ERCC6L2: variants seen among roughly 807,000 people sequenced by gnomAD.
ERCC6L2 encodes ERCC excision repair 6 like 2.
Under a neutral mutation model 132.0 loss-of-function variants are expected in ERCC6L2, and 77 were observed. The ratio of observed to expected loss-of-function variants is 0.58; its 90% CI spans 0.49 to 0.71. ERCC6L2 has a LOEUF of 0.71. Ranked by LOEUF, ERCC6L2 falls within the 30% of genes least tolerant of loss-of-function variation. ERCC6L2 has a pLI of 0.00. For missense variants in ERCC6L2, 1,542 were observed against 1,837.6 expected (o/e 0.84, Z 2.94); for synonymous variants, 583 against 632.4 (o/e 0.92, Z 1.17).
chr9:95,962,305 T>G (rs1831943676), intron 13 of ERCC6L2, among the ~76,000 whole-genome samples: 1 of 152,094 alleles, frequency 6.6e-6, no homozygotes, highest in African/African-American at 2.4e-5. Flanking sequence ...ATTTGAGAGA[T>G]GCTCATATAC....
At chr9:96,005,130 G>A (rs1051430643) in intron 18 of ERCC6L2, among the ~76,000 whole-genome samples, 4 of 152,076 alleles carry the variant, frequency 2.6e-5, no homozygotes, top group East Asian at 1.9e-4. Flanking sequence ...TGGCTAATAC[G>A]GTGAAACCCC....
Position 95,921,231 on chromosome 9 carries a change from A to G in ERCC6L2, c.1215A>G (p.Glu405=). The change falls in exon 7 of 19, where the codon GAA becomes GAG. Residue 405 remains glutamate, a synonymous_variant. Transcript: ENST00000653738. ...AAGCTGTCTATCAAACAGTGTTAGAAACAGAGGACGTGACTTTGATACTTC... is the reference window on the plus strand; with the variant it reads ...AAGCTGTCTATCAAACAGTGTTAGAGACAGAGGACGTGACTTTGATACTTC... ...FQKAVYQTVL[E]TEDVTLILQS... is the part of the protein sequence containing the mutation. 6.2e-7 allele frequency: 1 copy of G among 1,613,526 alleles called. No homozygotes were observed.
chr9:95,980,767 C>CA (rs536266012), intron 17 of ERCC6L2, among the ~76,000 whole-genome samples: 4 of 152,090 alleles, frequency 2.6e-5, no homozygotes, highest in Non-Finnish European at 4.4e-5. Context: ...AGAGAATAAA[C>CA]AAAGAGAAAG....
Position 96,012,815 on chromosome 9 carries a change from A to T in ERCC6L2, c.4265A>T (p.Asn1422Ile), listed in dbSNP as rs748089126. 1 of 1,367,462 alleles carries T rather than the reference A, an allele frequency of 7.3e-7. No individual in the cohort carries two copies. Among genetic ancestry groups the T allele is most frequent in the Non-Finnish European group, 9.8e-7 (1 of 1,021,850 alleles). The allele number at this position is 1,367,462 out of a possible 1,614,324, so 84.7% of individuals were successfully genotyped here. Residue 1422 changes from asparagine to isoleucine, a missense_variant, in exon 19 of 19, where the codon AAC becomes ATC. Asn to Ile is a moderately radical substitution (Grantham distance 149). Around this residue, in one of 4 missense-constraint regions of ERCC6L2, gnomAD observed 442 missense variants for 583.4 expected, o/e 0.76. Transcript: ENST00000653738. ...AAAGAACCCCTTCTCAAATTGGAAA[A>T]CAAAAAGATAGAAAATCCAGTGCTG... is the stretch of plus-strand genomic sequence containing the variant. ...SRKEPLLKLE[N>I]KKIENPVLEN...
At chr9:95,886,515 T>C (rs1180218134) in intron 2 of ERCC6L2, among the ~76,000 whole-genome samples, 2 of 152,228 alleles carry the variant, frequency 1.3e-5, no homozygotes, top group Non-Finnish European at 2.9e-5. Flanking sequence ...GTTATTTTTT[T>C]CCTCTTCTAT....
rs188875831 is a variant in ERCC6L2 at position 95,949,563 on chromosome 9, A to G, written c.1848-6351A>G. On this transcript the variant is annotated intron_variant, in intron 12 of 18. Transcript: ENST00000653738. ...GATAATATATTTAATGTATTGGGGGAAAAAAAAACAAACAAACTGTCAACT... is the reference window on the plus strand; with the variant it reads ...GATAATATATTTAATGTATTGGGGGGAAAAAAAACAAACAAACTGTCAACT... 1.3e-3 allele frequency among the ~76,000 whole-genome samples: 200 copies of G among 150,666 alleles called. 5 individuals are homozygous for G. In the East Asian group the frequency reaches 0.031, roughly 24 times the overall value.
intron 17 of ERCC6L2, among the ~76,000 whole-genome samples, chr9:95,999,897 T>A (rs934071039): frequency 2.0e-4 from 4 of 19,848 alleles, no homozygotes; most frequent in Non-Finnish European, 3.1e-4. Context: ...AAGATACAAT[T>A]TTTTTTTTTT....
Position 95,905,759 on chromosome 9 carries a change from AAC to A in ERCC6L2, c.595-1315_595-1314del, listed in dbSNP as rs142756442. 3.2e-3 allele frequency among the ~76,000 whole-genome samples: 486 copies of A among 152,280 alleles called. 2 individuals are homozygous for A. The highest frequency in any genetic ancestry group is 0.011 in the African/African-American group (465 of 41,566). On this transcript the variant is annotated intron_variant, in intron 3 of 18. Coordinates refer to ENST00000653738, the MANE Select transcript of ERCC6L2 (RefSeq NM_020207.7). Reference sequence around the variant, plus strand: ...TTCGTTTTCTTCTTTCTCTTTCCAAAACACAGTCACAAATTTGACTTTTTAGA... The same window carrying A: ...TTCGTTTTCTTCTTTCTCTTTCCAAAACAGTCACAAATTTGACTTTTTAGA...
intron 12 of ERCC6L2, among the ~76,000 whole-genome samples, chr9:95,949,556 T>C (rs1831230533): frequency 1.3e-5 from 2 of 151,572 alleles, no homozygotes; most frequent in Admixed American, 1.3e-4. Context: ...ATTTAATGTA[T>C]TGGGGGAAAA....
chr9:95,951,130 G>A (rs986212515), intron 12 of ERCC6L2, among the ~76,000 whole-genome samples: 1 of 152,010 alleles, frequency 6.6e-6, no homozygotes, highest in Non-Finnish European at 1.5e-5. Flanking sequence ...TTTTTTTCCA[G>A]TCACAGTACA....
At chr9:95,895,727 GC>G (rs1828420048) in intron 2 of ERCC6L2, among the ~76,000 whole-genome samples, 1 of 141,742 alleles carries the variant, frequency 7.1e-6, no homozygotes, top group African/African-American at 2.6e-5. Flanking sequence ...TGTTGTCATA[GC>G]TTTTTTTTTT....
rs776781098 is a variant in ERCC6L2 at position 96,004,524 on chromosome 9, A to G, written c.3497A>G (p.Tyr1166Cys). ...TGTTTCCTTTCTTTTTTTCAGACAT[A>G]TAAAGAAAAAGTGGATGCAGATACA... ...ANIAVCSSKT[Y>C]KEKVDADTLP... Residue 1166 changes from tyrosine (Y) to cysteine (C), a missense_variant, in exon 18 of 19, where the codon TAT (tyrosine) becomes TGT (cysteine). Coordinates refer to ENST00000653738, the MANE Select transcript of ERCC6L2 (RefSeq NM_020207.7). 43 of 1,300,250 alleles carry G rather than the reference A, an allele frequency of 3.3e-5. No individual in the cohort carries two copies. Among genetic ancestry groups the G allele is most frequent in the Non-Finnish European group, 4.2e-5 (41 of 987,340 alleles). 80.5% of individuals were successfully genotyped at this position (1,300,250 alleles called of 1,614,324 possible). A position where few individuals can be genotyped will look rare whatever the true frequency, so the allele number is the denominator to read the frequency against.
chr9:95,991,018 A>G lies in ERCC6L2; in HGVS notation c.3492+12803A>G, dbSNP rs1043044161. Among the ~76,000 whole-genome samples the G allele has an allele frequency of 5.9e-5, 9 of 152,156 alleles. No homozygotes were observed. In the South Asian group the frequency reaches 8.3e-4, roughly 14 times the overall value. On this transcript the variant is annotated intron_variant, in intron 17 of 18. Transcript: ENST00000653738. Reference sequence around the variant, plus strand: ...CCAGCCAGGCCCCTCTCCAAGCTTCACTGTCTGAAGTTAGCTGCATCTGTC... The same window carrying G: ...CCAGCCAGGCCCCTCTCCAAGCTTCGCTGTCTGAAGTTAGCTGCATCTGTC...
intron 1 of ERCC6L2, among the ~76,000 whole-genome samples, chr9:95,879,468 A>G (rs991509372): frequency 2.6e-5 from 4 of 152,232 alleles, no homozygotes; most frequent in African/African-American, 9.7e-5. Context: ...AATTGCTGTA[A>G]GGGTTGCTTT....
In ERCC6L2 at chr9:95,941,438, T is replaced by C; in HGVS notation, c.1752-16T>C. The C allele has an allele frequency of 6.3e-7, 1 of 1,593,626 alleles. No individual in the cohort carries two copies. Among genetic ancestry groups the C allele is most frequent in the Non-Finnish European group, 8.6e-7 (1 of 1,168,714 alleles). ...TTGCTGTTCTAATGTGCTTTTTTTTTTTCTCTTTCCTCCAGGGCTGGTGGA... is the reference window on the plus strand; with the variant it reads ...TTGCTGTTCTAATGTGCTTTTTTTTCTTCTCTTTCCTCCAGGGCTGGTGGA... On this transcript the variant is annotated splice_polypyrimidine_tract_variant and intron_variant, in intron 11 of 18. Coordinates refer to ENST00000653738, the MANE Select transcript of ERCC6L2 (RefSeq NM_020207.7).
intron 2 of ERCC6L2, among the ~76,000 whole-genome samples, chr9:95,889,933 G>A (rs1003865081): frequency 6.6e-6 from 1 of 152,172 alleles, no homozygotes; most frequent in Non-Finnish European, 1.5e-5. Flanking sequence ...TATTTGTGGA[G>A]TATCCGTTCT....
intron 11 of ERCC6L2, among the ~76,000 whole-genome samples, chr9:95,940,416 T>C (rs945770037): frequency 1.3e-5 from 2 of 152,160 alleles, no homozygotes; most frequent in Non-Finnish European, 2.9e-5. Flanking sequence ...ACCCAGCTTG[T>C]GGTATCTTAA....
At position 95,978,225 on chromosome 9, in the gene ERCC6L2, A is replaced by G. The variant is rs2133108067; in HGVS notation, c.3492+10A>G. ...TGTTTGCAGTTCTAAGGTAAGAAAA[A>G]TATAGGGTAGTATCATCTTTAGTTA... On this transcript the variant is annotated intron_variant, in intron 17 of 18. Transcript: ENST00000653738. 2 of 1,355,702 alleles carry G rather than the reference A, an allele frequency of 1.5e-6. No homozygotes were observed. The highest frequency in any genetic ancestry group is 9.8e-7 in the Non-Finnish European group (1 of 1,016,208). 84.0% of individuals were successfully genotyped at this position (1,355,702 alleles called of 1,614,324 possible).
intron 12 of ERCC6L2, among the ~76,000 whole-genome samples, chr9:95,944,892 A>C (rs1195229299): frequency 6.6e-6 from 1 of 152,170 alleles, no homozygotes; most frequent in African/African-American, 2.4e-5. Context: ...CACATCCTTC[A>C]CAAGGTAATA....
Sources: gnomAD v4.1 joint callset for allele counts (sites outside exome capture counted in the v4.1 genomes callset) on GRCh38, gnomAD v4.1.1 for gene constraint, gnomAD v4.1.1 regional missense constraint, MANE v1.5 for transcripts, NCBI Gene and HGNC (gene_info 2026-07-23, HGNC 2026-07-21) for gene names.